CTNND2: variants seen among roughly 807,000 people sequenced by gnomAD.
CTNND2 encodes the protein catenin delta 2.
CTNND2 carries 22 observed loss-of-function variants against 144.4 expected under a neutral mutation model. That is an observed-to-expected ratio of 0.15 (90% CI 0.11 to 0.22). The LOEUF is 0.22. Among genes scored for constraint, CTNND2 ranks in the 10% least tolerant of loss-of-function variants. The probability of loss-of-function intolerance (pLI) is 1.00; values close to 1 mark genes in which losing one functional copy is unlikely to be tolerated. For synonymous variants in CTNND2, 751 were observed against 695.6 expected (o/e 1.08, Z -1.25); for missense variants, 1,353 against 1,618.8 (o/e 0.84, Z 2.82).
At chr5:11,721,631 C>T (rs1288873046) in intron 2 of CTNND2, among the ~76,000 whole-genome samples, 2 of 152,236 alleles carry the variant, frequency 1.3e-5, no homozygotes, top group Non-Finnish European at 2.9e-5. Context: ...GGCTCCACTG[C>T]TGATGGCTCA....
chr5:11,144,621 A>G (rs990905557), intron 12 of CTNND2, among the ~76,000 whole-genome samples: 2 of 152,174 alleles, frequency 1.3e-5, no homozygotes, highest in Non-Finnish European at 2.9e-5. Flanking sequence ...CAGAAATGGA[A>G]GCAGAGAATG....
At chr5:11,242,008 A>G (rs1180261797) in intron 9 of CTNND2, among the ~76,000 whole-genome samples, 4 of 151,636 alleles carry the variant, frequency 2.6e-5, no homozygotes, top group Admixed American at 6.6e-5. Flanking sequence ...GGGCCTCCAG[A>G]GAGGACGGCT....
At chr5:11,283,529 C>T (rs916488856) in intron 9 of CTNND2, among the ~76,000 whole-genome samples, 7 of 151,644 alleles carry the variant, frequency 4.6e-5, no homozygotes, top group Admixed American at 2.0e-4. Context: ...CAAAAATTAG[C>T]GGGGTGTGGT....
chr5:11,005,250 A>G (rs139349945), intron 18 of CTNND2, among the ~76,000 whole-genome samples: 307 of 152,340 alleles, frequency 2.0e-3, no homozygotes, highest in African/African-American at 6.8e-3. Flanking sequence ...GAGCAAGGGG[A>G]AGCAAGAACA....
At chr5:11,666,945 G>A (rs1783600088) in intron 2 of CTNND2, among the ~76,000 whole-genome samples, 1 of 151,768 alleles carries the variant, frequency 6.6e-6, no homozygotes, top group African/African-American at 2.4e-5. Flanking sequence ...AGGCCCCAGT[G>A]TGTGATGTTC....
At chr5:11,436,015 G>T (rs963732618) in intron 3 of CTNND2, among the ~76,000 whole-genome samples, 2 of 152,080 alleles carry the variant, frequency 1.3e-5, no homozygotes, top group Non-Finnish European at 2.9e-5. Flanking sequence ...ACTGGAATAG[G>T]AGAAAGACGA....
chr5:11,155,976 T>G (rs1758182313), intron 12 of CTNND2, among the ~76,000 whole-genome samples: 1 of 152,198 alleles, frequency 6.6e-6, no homozygotes, highest in Admixed American at 6.5e-5. Flanking sequence ...TTTAGAATGC[T>G]CCCTGTAAAT....
chr5:11,467,272 C>T (rs578094467), intron 3 of CTNND2, among the ~76,000 whole-genome samples: 10 of 152,326 alleles, frequency 6.6e-5, no homozygotes, highest in Admixed American at 1.3e-4. Flanking sequence ...GGGCAAGCTC[C>T]GCTATGTGCT....
At chr5:11,497,226 C>CTT (rs5865948) in intron 3 of CTNND2, among the ~76,000 whole-genome samples, 1 of 145,598 alleles carries the variant, frequency 6.9e-6, no homozygotes, top group African/African-American at 2.5e-5. Context: ...CATGTGACTA[C>CTT]TTTTTTTTTT....
intron 7 of CTNND2, among the ~76,000 whole-genome samples, chr5:11,371,614 C>T (rs983036122): frequency 6.6e-6 from 1 of 152,120 alleles, no homozygotes; most frequent in Non-Finnish European, 1.5e-5. Context: ...CTTCCTAATC[C>T]TATGTTAATT....
chr5:11,269,644 T>C (rs1322843818), intron 9 of CTNND2, among the ~76,000 whole-genome samples: 1 of 152,152 alleles, frequency 6.6e-6, no homozygotes, highest in East Asian at 1.9e-4. Context: ...ACCACATGAA[T>C]AGGAAGTTCA....
At chr5:11,270,536 T>C (rs1358388225) in intron 9 of CTNND2, among the ~76,000 whole-genome samples, 1 of 151,948 alleles carries the variant, frequency 6.6e-6, no homozygotes, top group African/African-American at 2.4e-5. Context: ...GCTTTTGCAG[T>C]GTCAGATTTC....
chr5:11,119,834 A>G (rs575682870), intron 12 of CTNND2, among the ~76,000 whole-genome samples: 1 of 152,314 alleles, frequency 6.6e-6, no homozygotes, highest in East Asian at 1.9e-4. Context: ...CTGATCTGAA[A>G]AAAACCCTCT....
chr5:11,649,386 T>G (rs748090976), intron 2 of CTNND2, among the ~76,000 whole-genome samples: 12 of 152,152 alleles, frequency 7.9e-5, no homozygotes. Context: ...GGTGTTATCT[T>G]GGATCACTGC....
At chr5:11,668,663 G>A (rs1373296982) in intron 2 of CTNND2, among the ~76,000 whole-genome samples, 1 of 152,166 alleles carries the variant, frequency 6.6e-6, no homozygotes, top group Non-Finnish European at 1.5e-5. Flanking sequence ...GGAGATTTGG[G>A]CTTGAGATGA....
At chr5:11,669,206 G>T (rs533560770) in intron 2 of CTNND2, among the ~76,000 whole-genome samples, 30 of 152,284 alleles carry the variant, frequency 2.0e-4, no homozygotes, top group African/African-American at 6.5e-4. Context: ...GTTCATCAGG[G>T]ATATTGGCCT....
chr5:11,694,067 T>C (rs932669245), intron 2 of CTNND2, among the ~76,000 whole-genome samples: 2 of 152,214 alleles, frequency 1.3e-5, no homozygotes, highest in African/African-American at 4.8e-5. Context: ...GCAGCTTTCT[T>C]GCACTTATAA....
chr5:10,977,584 C>A (rs956361863), intron 21 of CTNND2, among the ~76,000 whole-genome samples: 3 of 152,150 alleles, frequency 2.0e-5, no homozygotes, highest in African/African-American at 7.2e-5. Flanking sequence ...TCCCAGCTAG[C>A]TGGGACTACA....
At chr5:11,534,610 G>GA (rs1196557931) in intron 3 of CTNND2, among the ~76,000 whole-genome samples, 29 of 149,314 alleles carry the variant, frequency 1.9e-4, no homozygotes, top group Admixed American at 1.1e-3. Context: ...CATTGCAGGG[G>GA]AAAAAAAAAG....
Sources: gnomAD v4.1 joint callset for allele counts (sites outside exome capture counted in the v4.1 genomes callset) on GRCh38, gnomAD v4.1.1 for gene constraint, MANE v1.5 for transcripts, NCBI Gene and HGNC (gene_info 2026-07-23, HGNC 2026-07-21) for gene names.